MIA3: variants seen among roughly 807,000 people sequenced by gnomAD.
MIA3 encodes the protein transport and Golgi organization protein 1 homolog.
Under a neutral mutation model 192.4 loss-of-function variants are expected in MIA3, and 90 were observed. The ratio of observed to expected loss-of-function variants is 0.47; its 90% CI spans 0.39 to 0.56. The LOEUF is 0.56. Ranked by LOEUF, MIA3 falls within the 20% of genes least tolerant of loss-of-function variation. MIA3 has a pLI of 0.00. For missense variants in MIA3, 2,123 were observed against 2,269.4 expected, an observed-to-expected ratio of 0.94 and a Z score of 1.31; for synonymous variants, 740 against 792.8, an observed-to-expected ratio of 0.93 and a Z score of 1.12.
At chr1:222,641,058 T>G (rs1222505797) in intron 6 of MIA3, among the ~76,000 whole-genome samples, 1 of 152,164 alleles carries the variant, frequency 6.6e-6, no homozygotes, top group Non-Finnish European at 1.5e-5. Context: ...CAAAAACTGA[T>G]TTTACCATGT....
chr1:222,641,467 T>C, intron 6 of MIA3: 1 of 498,684 alleles, frequency 2.0e-6, no homozygotes, highest in East Asian at 5.4e-5. Context: ...TGCTGAATCG[T>C]CTGGCTCATC....
At chr1:222,662,430 G>A (rs1190884044) in intron 26 of MIA3, 98 bp downstream of exon 26, 2 of 1,575,908 alleles carry the variant, frequency 1.3e-6, no homozygotes, top group African/African-American at 1.4e-5. Flanking sequence ...TGTTCTATCT[G>A]TACTATCTCA....
At chr1:222,641,376 A>G in intron 6 of MIA3, 1 of 376,226 alleles carries the variant, frequency 2.7e-6, no homozygotes, top group Non-Finnish European at 5.2e-6. Context: ...AGCCATGCCC[A>G]AGGGGTATCC....
At chr1:222,624,704 T>C in intron 2 of MIA3, 64 bp from the exon 3 acceptor site, 1 of 784,102 alleles carries the variant, frequency 1.3e-6, no homozygotes, top group Non-Finnish European at 2.3e-6. Flanking sequence ...TGCAGCTCTA[T>C]CGTTCATATT....
At chr1:222,656,324 CTT>C (rs1469684115) in intron 18 of MIA3, among the ~76,000 whole-genome samples, 1 of 151,984 alleles carries the variant, frequency 6.6e-6, no homozygotes, top group African/African-American at 2.4e-5. Context: ...ATGAAAATGT[CTT>C]TAGTTTGACT....
chr1:222,641,486 G>T, intron 6 of MIA3: 1 of 499,640 alleles, frequency 2.0e-6, no homozygotes, highest in South Asian at 1.5e-5. Flanking sequence ...TCATTTCCAT[G>T]ACAGCATGGT....
At chr1:222,638,333 C>G (rs572611906) in intron 6 of MIA3, among the ~76,000 whole-genome samples, 47 of 152,182 alleles carry the variant, frequency 3.1e-4, no homozygotes, top group African/African-American at 1.1e-3. Context: ...TATTTGGAAA[C>G]TAGGTGACAC....
At chr1:222,651,401 A>G (rs1663425863) in intron 11 of MIA3, among the ~76,000 whole-genome samples, 2 of 148,518 alleles carry the variant, frequency 1.3e-5, no homozygotes, top group Admixed American at 6.7e-5. Flanking sequence ...AACTTTTTGC[A>G]TTATTGTACT....
intron 6 of MIA3, among the ~76,000 whole-genome samples, chr1:222,642,531 C>T (rs1249201871): frequency 6.6e-6 from 1 of 151,812 alleles, no homozygotes; most frequent in East Asian, 1.9e-4. Context: ...TATATTTTTT[C>T]AGCATTTGTT....
chr1:222,666,807 A>AGTCTT lies in MIA3; in HGVS notation c.*1189_*1193dup, dbSNP rs1458892582. 1.3e-5 allele frequency: 2 copies of AGTCTT among 152,162 alleles called. No individual in the cohort carries two copies. Among genetic ancestry groups the AGTCTT allele is most frequent in the Admixed American group, 1.3e-4 (2 of 15,278 alleles). 9.4% of individuals were successfully genotyped at this position (152,162 alleles called of 1,614,324 possible). A position where few individuals can be genotyped will look rare whatever the true frequency, so the allele number is the denominator to read the frequency against. ...CCATCTGGAATTGCACCATACTTAA[A>AGTCTT]GTCTTATCCATTACTACACTGTCTT... is the stretch of plus-strand genomic sequence containing the variant. On this transcript the variant is annotated 3_prime_UTR_variant, in exon 28 of 28. Transcript: ENST00000344922.
intron 2 of MIA3, among the ~76,000 whole-genome samples, chr1:222,623,477 T>A (rs1664665873): frequency 6.6e-6 from 1 of 152,226 alleles, no homozygotes; most frequent in Admixed American, 6.5e-5. Flanking sequence ...AATTAAAAAC[T>A]CTGTCTTCAG....
At position 222,659,897 on chromosome 1, in the gene MIA3, A is replaced by G. The variant is rs1663922483; in HGVS notation, c.4875-9A>G. 14 of 1,605,690 alleles carry G rather than the reference A, an allele frequency of 8.7e-6. No homozygotes were observed. The highest frequency in any genetic ancestry group is 1.3e-5 in the African/African-American group (1 of 74,690). ...ACTCTTTCTTAAATATTCTTTCTCT[A>G]TATTCAAGATTATTAGAATTAACAC... is the stretch of plus-strand genomic sequence containing the variant. On this transcript the variant is annotated splice_polypyrimidine_tract_variant and intron_variant, in intron 22 of 27. Transcript: ENST00000344922.
At chr1:222,665,221 A>G in intron 27 of MIA3, 88 bp from the exon 28 acceptor site, 2 of 745,630 alleles carry the variant, frequency 2.7e-6, no homozygotes, top group Non-Finnish European at 2.1e-6. Context: ...AAAAAAAAAA[A>G]GGATGACAGA....
rs1664325660 is a variant in MIA3 at position 222,667,126 on chromosome 1, T to C, written c.*1507T>C. ...TTCAATGTGAAACAATTTTCTCTCT[T>C]TATACTAAACAACTGAAGATAGATA... On this transcript the variant is annotated 3_prime_UTR_variant, in exon 28 of 28. Coordinates refer to ENST00000344922, the MANE Select transcript of MIA3 (RefSeq NM_198551.4). 6.6e-6 allele frequency: 1 copy of C among 152,204 alleles called. No individual in the cohort carries two copies. Among genetic ancestry groups the C allele is most frequent in the Non-Finnish European group, 1.5e-5 (1 of 68,032 alleles). 9.4% of individuals were successfully genotyped at this position (152,204 alleles called of 1,614,324 possible).
intron 18 of MIA3, among the ~76,000 whole-genome samples, chr1:222,656,021 G>A (rs985246311): frequency 7.1e-6 from 1 of 141,300 alleles, no homozygotes; most frequent in Non-Finnish European, 1.5e-5. Flanking sequence ...CCAGGCTGGA[G>A]TGCAGTGGCG....
chr1:222,643,950 A>C (rs960271636), intron 6 of MIA3, among the ~76,000 whole-genome samples: 1 of 144,936 alleles, frequency 6.9e-6, no homozygotes, highest in Non-Finnish European at 1.5e-5. Flanking sequence ...TGGGCAAGGA[A>C]GAAAGGCCGC....
chr1:222,643,162 ACTTGTTTGTTTTCAT>A (rs1662938522), intron 6 of MIA3, among the ~76,000 whole-genome samples: 2 of 141,746 alleles, frequency 1.4e-5, no homozygotes, highest in African/African-American at 5.4e-5. Context: ...AATTTTTTCA[ACTTGTTTGTTTTCAT>A]TTTTTACATT....
At chr1:222,644,495 C>T (rs1663032882) in intron 6 of MIA3, 3 of 1,550,642 alleles carry the variant, frequency 1.9e-6, no homozygotes, top group Non-Finnish European at 8.7e-7. Flanking sequence ...GTACCTGCCA[C>T]TGTGCCTTCT....
In MIA3 at chr1:222,622,093, C is replaced by T. The variant is rs370699680; in HGVS notation, c.267+801C>T. Among the ~76,000 whole-genome samples, 6 of 152,230 alleles carry T rather than the reference C, an allele frequency of 3.9e-5. No homozygotes were observed. The East Asian group carries it at 7.7e-4, about 20-fold the overall frequency. ...TGCTGGGATTACAGGCGTGAGCCAC[C>T]GCAACCAGCCTCTTGTTTGTATTTT... On this transcript the variant is annotated intron_variant, in intron 2 of 27. Coordinates refer to ENST00000344922, the MANE Select transcript of MIA3 (RefSeq NM_198551.4).
Sources: gnomAD v4.1 joint callset for allele counts (sites outside exome capture counted in the v4.1 genomes callset) on GRCh38, gnomAD v4.1.1 for gene constraint, MANE v1.5 for transcripts, NCBI Gene and HGNC (gene_info 2026-07-23, HGNC 2026-07-21) for gene names.